Variants in CTBP2 observed in about 807,000 individuals in gnomAD.
CTBP2 encodes C-terminal binding protein 2, also known as C-terminal-binding protein 2.
CTBP2 carries 30 observed loss-of-function variants against 80.3 expected under a neutral mutation model. The ratio of observed to expected loss-of-function variants is 0.37; its 90% CI spans 0.28 to 0.51. The LOEUF (loss-of-function observed/expected upper bound fraction) is 0.51, where lower values mean the gene tolerates loss of function less well. Ranked by LOEUF, CTBP2 falls within the 20% of genes least tolerant of loss-of-function variation. The pLI, the probability that CTBP2 is intolerant of heterozygous loss-of-function variation, is 0.93. For missense variants in CTBP2, 1,212 were observed against 1,375.3 expected (o/e 0.88, Z 1.88); for synonymous variants, 594 against 587.4 (o/e 1.01, Z -0.16).
chr10:125,003,146 C>T (rs761727708), intron 2 of CTBP2, 42 bp from the exon 5 acceptor site: 3 of 1,611,080 alleles, frequency 1.9e-6, no homozygotes, highest in Non-Finnish European at 2.5e-6. Flanking sequence ...CCACCCCGTG[C>T]AGCCCACCGG....
At chr10:125,012,832 G>A (rs971671745) in intron 1 of CTBP2, among the ~76,000 whole-genome samples, 15 of 152,070 alleles carry the variant, frequency 9.9e-5, no homozygotes, top group East Asian at 1.9e-4. Context: ...CGCCCGCCTC[G>A]GCCTCCCAAA....
At chr10:125,152,057 A>G (rs1331818671) in intron 1 of CTBP2, among the ~76,000 whole-genome samples, 1 of 150,136 alleles carries the variant, frequency 6.7e-6, no homozygotes, top group Non-Finnish European at 1.5e-5. Flanking sequence ...CGGAGGGGCC[A>G]GGGTGGGGCC....
At position 124,998,011 on chromosome 10, in the gene CTBP2, G is replaced by A. The variant is rs754875630; in HGVS notation, c.2138C>T (p.Ser713Leu). 129 of 1,613,062 alleles carry A rather than the reference G, an allele frequency of 8.0e-5. 1 individual carries two copies. Among genetic ancestry groups the A allele is most frequent in the Non-Finnish European group, 1.0e-4 (119 of 1,179,990 alleles). Residue 713 changes from serine (S) to leucine (L), a missense_variant, in exon 4 of 9, where the codon TCG becomes TTG. Physicochemically the swap from Ser to Leu is moderately radical, Grantham distance 145. This residue lies in a region of CTBP2 where 335 missense variants were observed against 504.7 expected (regional missense o/e 0.66). Transcript: ENST00000309035. The stretch of plus-strand genomic sequence containing the variant: ...CTCCCCACGGATGCGGGCCGCTCCC[G>A]AGGCCACCTCGCGGATCTGCTCCAC...
In CTBP2 at chr10:124,994,447, A is replaced by C. The variant is rs371299903; in HGVS notation, c.2400+22T>G. On this transcript the variant is annotated intron_variant, in intron 5 of 8. Transcript: ENST00000309035. ...CTACCACCTTTCGACAGAAGCTTCC[A>C]TGGCATCTATTTTCAAATTACCTGC... 1.9e-6 allele frequency: 3 copies of C among 1,610,828 alleles called. No homozygotes were observed. In the African/African-American group the frequency reaches 4.0e-5, roughly 21 times the overall value.
intron 2 of CTBP2, among the ~76,000 whole-genome samples, chr10:125,070,306 G>A (rs1477164039): frequency 1.3e-5 from 2 of 152,142 alleles, no homozygotes; most frequent in East Asian, 1.9e-4. Context: ...AGCCGAGATC[G>A]TGCCACTGCA....
At position 124,989,475 on chromosome 10, in the gene CTBP2, T is replaced by A. The variant is rs760022488; in HGVS notation, c.*43A>T. 6 of 1,557,318 alleles carry A rather than the reference T, an allele frequency of 3.9e-6. No individual in the cohort carries two copies. The South Asian group carries it at 6.7e-5, about 17-fold the overall frequency. On this transcript the variant is annotated 3_prime_UTR_variant, in exon 9 of 9. Coordinates refer to ENST00000309035, the MANE Select transcript of CTBP2 (RefSeq NM_022802.3). ...AGTTCATCTATTTTTCACTGTCTCT[T>A]GGTCCCAAGTGTATCTGAGTGATTA...
chr10:125,075,191 A>G (rs1278653467), intron 2 of CTBP2, among the ~76,000 whole-genome samples: 1 of 152,208 alleles, frequency 6.6e-6, no homozygotes, highest in East Asian at 1.9e-4. Context: ...ATTTCAGTAA[A>G]AATATGCAAC....
chr10:125,130,546 C>G (rs1032448099), intron 1 of CTBP2, among the ~76,000 whole-genome samples: 32 of 152,196 alleles, frequency 2.1e-4, no homozygotes, highest in Admixed American at 1.2e-3. Flanking sequence ...AGTTGCGTTC[C>G]CAGCTCAAGT....
chr10:125,089,031 T>A (rs1848400662), intron 2 of CTBP2, among the ~76,000 whole-genome samples: 1 of 152,184 alleles, frequency 6.6e-6, no homozygotes, highest in Non-Finnish European at 1.5e-5. Flanking sequence ...AAAATCAGTA[T>A]CAGAGACACA....
At chr10:125,010,225 A>T (rs1356280879) in intron 1 of CTBP2, among the ~76,000 whole-genome samples, 6 of 150,534 alleles carry the variant, frequency 4.0e-5, no homozygotes, top group Non-Finnish European at 7.4e-5. Context: ...AGGTTAAAAA[A>T]AAAAAAAAAA....
intron 2 of CTBP2, among the ~76,000 whole-genome samples, chr10:125,062,927 G>A (rs1022670644): frequency 2.0e-5 from 3 of 152,226 alleles, no homozygotes; most frequent in South Asian, 4.1e-4. Flanking sequence ...CTGTGCACCC[G>A]TTTTCCTAAT....
At chr10:125,056,327 C>T (rs1963929308) in intron 2 of CTBP2, among the ~76,000 whole-genome samples, 1 of 152,236 alleles carries the variant, frequency 6.6e-6, no homozygotes, top group South Asian at 2.1e-4. Flanking sequence ...CAATTCCATT[C>T]TGCTGGGCTG....
chr10:125,039,061 T>C lies in CTBP2; in HGVS notation c.-7A>G, dbSNP rs76319950. ...GCTTATCCACAAGGGCCATTCTTTA[T>C]GGAACTTTGCAACTCTCAGATCAAA... On this transcript the variant is annotated 5_prime_UTR_variant, in exon 3 of 11. Coordinates refer to the CTBP2 transcript ENST00000337195. 1.2e-5 allele frequency: 20 copies of C among 1,611,726 alleles called. No individual in the cohort carries two copies. The African/African-American group carries it at 1.3e-4, about 11-fold the overall frequency.
At chr10:125,104,986 A>G (rs1197538275) in intron 2 of CTBP2, among the ~76,000 whole-genome samples, 2 of 151,064 alleles carry the variant, frequency 1.3e-5, no homozygotes, top group Non-Finnish European at 2.9e-5. Context: ...GCCATTTCCT[A>G]AATCGTTACT....
intron 7 of CTBP2, 52 bp from the exon 10 acceptor site, chr10:124,992,864 G>T: frequency 7.3e-7 from 1 of 1,377,012 alleles, no homozygotes; most frequent in Non-Finnish European, 1.0e-6. Context: ...ATCACAGTAA[G>T]TTCAACATTA....
intron 1 of CTBP2, among the ~76,000 whole-genome samples, chr10:125,142,537 G>C (rs1165938047): frequency 2.6e-5 from 4 of 152,216 alleles, no homozygotes; most frequent in African/African-American, 9.6e-5. Flanking sequence ...TGATGGGATG[G>C]TTCCGCAACC....
rs1413515738 is a variant in CTBP2, at chr10:124,985,111, G to A, written c.*4407C>T. 7.8e-6 allele frequency: 6 copies of A among 772,264 alleles called. No individual in the cohort carries two copies. Among genetic ancestry groups the A allele is most frequent in the South Asian group, 3.5e-5 (2 of 56,504 alleles). The allele number at this position is 772,264 out of a possible 1,614,324, so 47.8% of individuals were successfully genotyped here. ...GAACCAAATCTGGCAGGATCTGCTC[G>A]GGGAAGTGTTTTCCTGGACCACACA... On this transcript the variant is annotated 3_prime_UTR_variant, in exon 9 of 9. Transcript: ENST00000309035.
At chr10:125,028,198 A>C (rs1302570010), upstream of CTBP2, among the ~76,000 whole-genome samples, 1 of 152,154 alleles carries the variant, frequency 6.6e-6, no homozygotes, top group Non-Finnish European at 1.5e-5. Context: ...CCCAAGCTGC[A>C]ACTGGGATTT....
intron 1 of CTBP2, among the ~76,000 whole-genome samples, chr10:125,157,645 A>G (rs1915146): frequency 0.44 from 66,086 of 149,944 alleles, 15,121 homozygotes; most frequent in African/African-American, 0.54. Context: ...GGGGCAGGGT[A>G]GGGGGAGGGG....
Sources: allele counts gnomAD v4.1 joint callset (sites outside exome capture counted in the v4.1 genomes callset), GRCh38; gene constraint gnomAD v4.1.1; regional missense constraint gnomAD v4.1.1; transcripts MANE v1.5; gene names NCBI Gene and HGNC (gene_info 2026-07-23, HGNC 2026-07-21).